Variants in VPS39 observed in about 807,000 individuals in gnomAD.
VPS39 encodes VPS39 subunit of HOPS complex.
VPS39 carries 70 observed loss-of-function variants against 121.0 expected under a neutral mutation model. That is an observed-to-expected ratio of 0.58 (90% CI 0.48 to 0.71). VPS39 has a LOEUF of 0.71. Ranked by LOEUF, VPS39 falls within the 30% of genes least tolerant of loss-of-function variation. The pLI is 0.00. For synonymous variants in VPS39, 378 were observed against 398.1 expected (o/e 0.95, Z 0.60); for missense variants, 818 against 1,051.5 (o/e 0.78, Z 3.07).
In VPS39 at chr15:42,184,626, T is replaced by G; in HGVS notation, c.609A>C (p.Ala203=). ...CCTGGCCCACAGCCACTTTTCCATC[T>G]GCCAGAGGTGCAACTAAGGGCTCCA... ...KQLEPLVAPL[A]DGKVAVGQDD... is the part of the protein sequence containing the mutation. The change falls in exon 8 of 25, where the codon GCA becomes GCC. Residue 203 remains alanine (A), a synonymous_variant. Coordinates refer to ENST00000318006, the MANE Select transcript of VPS39 (RefSeq NM_015289.5). 1 of 1,614,208 alleles carries G rather than the reference T, an allele frequency of 6.2e-7. No homozygotes were observed. Among genetic ancestry groups the G allele is most frequent in the Non-Finnish European group, 8.5e-7 (1 of 1,180,032 alleles).
chr15:42,160,726 C>T lies in VPS39; in HGVS notation c.*28G>A, dbSNP rs2049110862. On this transcript the variant is annotated 3_prime_UTR_variant, in exon 25 of 25. Coordinates refer to ENST00000318006, the MANE Select transcript of VPS39 (RefSeq NM_015289.5). ...ACCTCTCTGGGAGAGCCAAGCTGTC[C>T]ATCCGCTGGATCCCCAGGATGCTGG... 1 of 1,605,370 alleles carries T rather than the reference C, an allele frequency of 6.2e-7. No homozygotes were observed. Among genetic ancestry groups the T allele is most frequent in the Non-Finnish European group, 8.5e-7 (1 of 1,171,990 alleles).
Position 42,164,477 on chromosome 15 carries a change from G to A in VPS39, c.1907C>T (p.Pro636Leu), listed in dbSNP as rs200168993. 14 of 1,614,058 alleles carry A rather than the reference G, an allele frequency of 8.7e-6. No individual in the cohort carries two copies. Among genetic ancestry groups the A allele is most frequent in the Non-Finnish European group, 1.1e-5 (13 of 1,179,996 alleles). Residue 636 changes from proline (P) to leucine (L), a missense_variant, in exon 19 of 25, where the codon CCA (proline) becomes CTA (leucine). Physicochemically the swap from Pro to Leu is moderately conservative, Grantham distance 98. Transcript: ENST00000318006. ...YLLSFPAGKT[P>L]VPAGEEEGEL... ...ACCCTCTTCCTCTCCAGCTGGGACT[G>A]GGGTTTTGCCTTTAAGGGAAACCAA...
chr15:42,168,086 T>A (rs1322303037), intron 12 of VPS39, among the ~76,000 whole-genome samples: 1 of 152,244 alleles, frequency 6.6e-6, no homozygotes, highest in East Asian at 1.9e-4. Context: ...GATCTGCTTT[T>A]GATCCCTGGA....
Position 42,177,162 on chromosome 15 carries a change from T to TAAAAAAAAAAA in VPS39, c.960+1045_960+1055dup, listed in dbSNP as rs369967285. 3.5e-5 allele frequency among the ~76,000 whole-genome samples: 2 copies of TAAAAAAAAAAA among 56,414 alleles called. 1 individual carries two copies. 37.0% of individuals were successfully genotyped at this position (56,414 alleles called of 152,430 possible). On this transcript the variant is annotated intron_variant, in intron 10 of 24. Coordinates refer to ENST00000318006, the MANE Select transcript of VPS39 (RefSeq NM_015289.5). ...TGGGTGACAGAGTGAGACCCTGTTT[T>TAAAAAAAAAAA]AAAAAAAAAAAAAAAAAAAAAAAAA...
At chr15:42,193,745 C>T (rs2049877327) in intron 2 of VPS39, among the ~76,000 whole-genome samples, 1 of 151,500 alleles carries the variant, frequency 6.6e-6, no homozygotes, top group African/African-American at 2.4e-5. Context: ...GGGGAGTGAA[C>T]ACAAGTTTTC....
Position 42,187,340 on chromosome 15 carries a change from C to T in VPS39, c.465G>A (p.Val155=), listed in dbSNP as rs369716113. 5 of 1,612,156 alleles carry T rather than the reference C, an allele frequency of 3.1e-6. No homozygotes were observed. In the African/African-American group the frequency reaches 4.0e-5, roughly 13 times the overall value. The change falls in exon 7 of 25, where the codon GTG becomes GTA. Residue 155 remains valine, a synonymous_variant. Coordinates refer to ENST00000318006, the MANE Select transcript of VPS39 (RefSeq NM_015289.5). ...ELQGDFSVPD[V]PKSMAWCENS... ...TTTCACACCACGCCATGGACTTGGG[C>T]ACATCTGGCACACTAAAGTCCCCCT...
chr15:42,195,663 A>G (rs2049921880), intron 2 of VPS39, among the ~76,000 whole-genome samples: 1 of 152,206 alleles, frequency 6.6e-6, no homozygotes, highest in African/African-American at 2.4e-5. Context: ...TGCTCAACGA[A>G]ATAAAAGAGG....
chr15:42,195,215 C>T (rs1401013512), intron 2 of VPS39, among the ~76,000 whole-genome samples: 4 of 151,930 alleles, frequency 2.6e-5, no homozygotes, highest in African/African-American at 7.3e-5. Context: ...TCGAGGCGGG[C>T]GGATCACTTG....
chr15:42,161,510 C>G (rs1289856182), intron 24 of VPS39, 172 bp downstream of exon 24: 1 of 769,344 alleles, frequency 1.3e-6, no homozygotes, highest in African/African-American at 1.7e-5. Flanking sequence ...GAAGCCCACT[C>G]CCAACAGATA....
intron 22 of VPS39, 59 bp from the exon 23 acceptor site, chr15:42,162,225 A>G (rs769726450): frequency 6.2e-7 from 1 of 1,610,372 alleles, no homozygotes. Context: ...GAATGAAGAA[A>G]TGTCTGCAGC....
intron 2 of VPS39, among the ~76,000 whole-genome samples, chr15:42,194,468 C>T (rs1219399476): frequency 1.3e-5 from 2 of 151,786 alleles, no homozygotes; most frequent in Non-Finnish European, 2.9e-5. Context: ...GTGTGAAATT[C>T]CGTCTCAAAA....
At chr15:42,183,123 GGGAGTCTTGCTCTGTCACCCACGCT>G (rs1226161650) in intron 8 of VPS39, among the ~76,000 whole-genome samples, 1 of 150,160 alleles carries the variant, frequency 6.7e-6, no homozygotes, top group Admixed American at 6.6e-5. Flanking sequence ...TTTTTGAGGC[GGGAGTCTTGCTCTGTCACCCACGCT>G]GGAGTGCAGT....
At chr15:42,184,751 G>T in intron 7 of VPS39, 51 bp from the exon 8 acceptor site, 7 of 1,529,846 alleles carry the variant, frequency 4.6e-6, no homozygotes, top group South Asian at 3.9e-5. Context: ...CCAGAGGTAA[G>T]AACACAGGAA....
intron 12 of VPS39, among the ~76,000 whole-genome samples, chr15:42,168,767 C>T (rs1031868548): frequency 1.3e-5 from 2 of 152,106 alleles, no homozygotes; most frequent in Non-Finnish European, 2.9e-5. Flanking sequence ...TGGTTTCGAA[C>T]TCCTGACCTC....
At chr15:42,166,690 C>T (rs1350703075) in intron 14 of VPS39, 41 bp from the exon 15 acceptor site, 6 of 1,614,036 alleles carry the variant, frequency 3.7e-6, no homozygotes, top group Non-Finnish European at 4.2e-6. Flanking sequence ...AGCCTTTTCC[C>T]CACGGGAGAT....
At chr15:42,167,165 C>T (rs1185097713) in intron 13 of VPS39, among the ~76,000 whole-genome samples, 1 of 152,220 alleles carries the variant, frequency 6.6e-6, no homozygotes, top group Admixed American at 6.5e-5. Context: ...GCACTAACTG[C>T]AATCCGACCA....
At chr15:42,208,054 C>A in intron 1 of VPS39, 27 bp downstream of exon 1, 1 of 1,561,594 alleles carries the variant, frequency 6.4e-7, no homozygotes, top group Non-Finnish European at 8.7e-7. Flanking sequence ...GCTGACTCCG[C>A]CTCGGCCCCG....
At chr15:42,172,093 T>C (rs1352565193) in intron 11 of VPS39, among the ~76,000 whole-genome samples, 2 of 152,214 alleles carry the variant, frequency 1.3e-5, no homozygotes, top group Non-Finnish European at 1.5e-5. Context: ...TTAGGTAACA[T>C]GACACTCCTC....
At chr15:42,193,851 TAA>T (rs35451716) in intron 2 of VPS39, among the ~76,000 whole-genome samples, 2,218 of 120,836 alleles carry the variant, frequency 0.018, 22 homozygotes, top group African/African-American at 0.038. Context: ...CCTTTGTTCA[TAA>T]AAAAAAAAAA....
Sources: allele counts gnomAD v4.1 joint callset (sites outside exome capture counted in the v4.1 genomes callset), GRCh38; gene constraint gnomAD v4.1.1; transcripts MANE v1.5; gene names NCBI Gene and HGNC (gene_info 2026-07-23, HGNC 2026-07-21).